PEAK1: variants seen among roughly 807,000 people sequenced by gnomAD.
PEAK1 encodes the protein inactive tyrosine-protein kinase PEAK1.
Under a neutral mutation model 124.7 loss-of-function variants are expected in PEAK1, and 54 were observed. The ratio of observed to expected loss-of-function variants is 0.43; its 90% CI spans 0.35 to 0.54. The LOEUF is 0.54. Among genes scored for constraint, PEAK1 ranks in the 20% least tolerant of loss-of-function variants. PEAK1 has a pLI of 0.01. For synonymous variants in PEAK1, 719 were observed against 760.0 expected, an observed-to-expected ratio of 0.95 and a Z score of 0.89; for missense variants, 2,046 against 2,134.5, an observed-to-expected ratio of 0.96 and a Z score of 0.82.
chr15:77,204,217 G>C (rs2058515829), intron 6 of PEAK1, among the ~76,000 whole-genome samples: 1 of 152,140 alleles, frequency 6.6e-6, no homozygotes, highest in South Asian at 2.1e-4. Context: ...ACACCTATTA[G>C]AATGTATAAA....
intron 1 of PEAK1, among the ~76,000 whole-genome samples, chr15:77,378,080 GA>G (rs1273962854): frequency 6.6e-6 from 1 of 151,840 alleles, no homozygotes; most frequent in Non-Finnish European, 1.5e-5. Flanking sequence ...CCTATCATTT[GA>G]ATATGCTATT....
At chr15:77,278,712 G>C in intron 5 of PEAK1, 1 of 514,280 alleles carries the variant, frequency 1.9e-6, no homozygotes, top group Non-Finnish European at 3.9e-6. Flanking sequence ...ACACAGAAAG[G>C]TGAGGGTGCT....
chr15:77,403,154 C>T, intron 1 of PEAK1: 1 of 985,356 alleles, frequency 1.0e-6, no homozygotes, highest in Non-Finnish European at 1.2e-6. Context: ...ATTTAAAATA[C>T]TGCTACTTTG....
chr15:77,226,046 T>TATATATAATAA (rs1376462526), intron 6 of PEAK1, among the ~76,000 whole-genome samples: 1 of 28,776 alleles, frequency 3.5e-5, no homozygotes, highest in Non-Finnish European at 7.1e-5. Flanking sequence ...AATAAAGGGA[T>TATATATAATAA]ATATATATAT....
intron 1 of PEAK1, among the ~76,000 whole-genome samples, chr15:77,397,170 T>C (rs1004976010): frequency 5.9e-5 from 9 of 152,124 alleles, no homozygotes; most frequent in Non-Finnish European, 1.3e-4. Flanking sequence ...TTGTAAACTA[T>C]ATAAACACAA....
chr15:77,318,434 T>G (rs954433201), intron 2 of PEAK1, among the ~76,000 whole-genome samples: 4 of 152,090 alleles, frequency 2.6e-5, no homozygotes, highest in Non-Finnish European at 5.9e-5. Flanking sequence ...AAACCCCTTA[T>G]ATTAGGGTTT....
At chr15:77,356,785 T>C (rs545508923) in intron 2 of PEAK1, among the ~76,000 whole-genome samples, 1 of 152,350 alleles carries the variant, frequency 6.6e-6, no homozygotes, top group South Asian at 2.1e-4. Flanking sequence ...TATAATGATT[T>C]TGTATTTTTT....
chr15:77,189,065 G>A (rs1170486527), intron 6 of PEAK1, among the ~76,000 whole-genome samples: 1 of 152,116 alleles, frequency 6.6e-6, no homozygotes, highest in Non-Finnish European at 1.5e-5. Context: ...GCCAGGCGTG[G>A]TGGTGCGCGC....
intron 8 of PEAK1, among the ~76,000 whole-genome samples, chr15:77,143,849 T>C (rs13379686): frequency 0.22 from 34,085 of 152,134 alleles, 4,250 homozygotes; most frequent in Middle Eastern, 0.31. Flanking sequence ...TGTGTCTCAT[T>C]TGTGTACCCA....
At chr15:77,397,780 C>T (rs1270491926) in intron 1 of PEAK1, among the ~76,000 whole-genome samples, 1 of 152,150 alleles carries the variant, frequency 6.6e-6, no homozygotes, top group African/African-American at 2.4e-5. Flanking sequence ...GAGATCAAGG[C>T]CAGGTGCAGT....
intron 7 of PEAK1, among the ~76,000 whole-genome samples, chr15:77,173,705 T>C (rs1237337984): frequency 6.6e-6 from 1 of 152,232 alleles, no homozygotes; most frequent in African/African-American, 2.4e-5. Flanking sequence ...TTATTCATTA[T>C]CCTTTTCTAG....
chr15:77,400,587 T>C (rs753668376), intron 1 of PEAK1, among the ~76,000 whole-genome samples: 1 of 152,146 alleles, frequency 6.6e-6, no homozygotes, highest in Non-Finnish European at 1.5e-5. Flanking sequence ...TGCTCTCACT[T>C]ATTTGTGGGA....
At chr15:77,278,042 A>G (rs2062429144) in intron 5 of PEAK1, among the ~76,000 whole-genome samples, 1 of 152,270 alleles carries the variant, frequency 6.6e-6, no homozygotes, top group Admixed American at 6.5e-5. Flanking sequence ...AGGTTCATCA[A>G]TTGTAGCAAA....
chr15:77,361,864 A>G (rs1567307320), intron 2 of PEAK1, among the ~76,000 whole-genome samples: 1 of 152,066 alleles, frequency 6.6e-6, no homozygotes, highest in African/African-American at 2.4e-5. Context: ...GAAAATCTGG[A>G]ATATATATAT....
At chr15:77,162,222 G>A (rs953767293) in intron 7 of PEAK1, among the ~76,000 whole-genome samples, 10 of 151,472 alleles carry the variant, frequency 6.6e-5, no homozygotes, top group South Asian at 2.1e-4. Context: ...GGCTGGGTGC[G>A]GTGGCTCAAG....
At chr15:77,289,673 T>A (rs925036278) in intron 2 of PEAK1, among the ~76,000 whole-genome samples, 2 of 151,960 alleles carry the variant, frequency 1.3e-5, no homozygotes, top group Non-Finnish European at 2.9e-5. Flanking sequence ...CCATCTCTAC[T>A]AAAAATATAA....
intron 7 of PEAK1, among the ~76,000 whole-genome samples, chr15:77,162,355 G>A (rs1256355421): frequency 2.0e-5 from 3 of 151,806 alleles, no homozygotes; most frequent in Admixed American, 6.6e-5. Flanking sequence ...TTAGGTGGGC[G>A]TGGTGGCGGG....
chr15:77,139,312 C>G, intron 8 of PEAK1, among the ~76,000 whole-genome samples: 1 of 152,118 alleles, frequency 6.6e-6, no homozygotes, highest in African/African-American at 2.4e-5. Context: ...GGCTGTTTTA[C>G]AGTTTTTTAA....
chr15:77,365,049 A>G (rs1249177078), intron 2 of PEAK1, 114 bp downstream of exon 2: 1 of 200,858 alleles, frequency 5.0e-6, no homozygotes, highest in Non-Finnish European at 8.9e-6. Context: ...TAACTTTCCT[A>G]TTAAAACACT....
Sources: gnomAD v4.1 joint callset for allele counts (sites outside exome capture counted in the v4.1 genomes callset) on GRCh38, gnomAD v4.1.1 for gene constraint, MANE v1.5 for transcripts, NCBI Gene and HGNC (gene_info 2026-07-23, HGNC 2026-07-21) for gene names.